Variants in GPC6 observed in about 807,000 individuals in gnomAD.
The protein encoded by GPC6 is glypican-6.
Under a neutral mutation model 55.2 loss-of-function variants are expected in GPC6, and 14 were observed. That is an observed-to-expected ratio of 0.25 (90% confidence interval 0.17 to 0.40). GPC6 has a LOEUF of 0.40. Among genes scored for constraint, GPC6 ranks in the 10% least tolerant of loss-of-function variants. The pLI, the probability that GPC6 is intolerant of heterozygous loss-of-function variation, is 1.00. For synonymous variants in GPC6, 278 were observed against 259.6 expected, an observed-to-expected ratio of 1.07 and a Z score of -0.68; for missense variants, 641 against 708.5, an observed-to-expected ratio of 0.90 and a Z score of 1.08.
intron 3 of GPC6, among the ~76,000 whole-genome samples, chr13:93,961,141 CT>C (rs1879757141): frequency 6.6e-6 from 1 of 152,148 alleles, no homozygotes; most frequent in Non-Finnish European, 1.5e-5. Context: ...ATCTTCCCAA[CT>C]GGTTGGTTGT....
chr13:93,410,568 T>C (rs1876459555), intron 1 of GPC6, among the ~76,000 whole-genome samples: 1 of 152,188 alleles, frequency 6.6e-6, no homozygotes, highest in African/African-American at 2.4e-5. Flanking sequence ...ATAGTATTAG[T>C]GAGTTCTGGC....
chr13:94,151,342 C>T (rs1887733062), intron 4 of GPC6, among the ~76,000 whole-genome samples: 1 of 152,086 alleles, frequency 6.6e-6, no homozygotes, highest in Admixed American at 6.6e-5. Flanking sequence ...TGGAAAAGAT[C>T]TGTTATAAAC....
intron 1 of GPC6, among the ~76,000 whole-genome samples, chr13:93,308,212 G>A (rs567282374): frequency 5.5e-4 from 83 of 152,258 alleles, no homozygotes; most frequent in Middle Eastern, 6.8e-3. Context: ...ATGAACCCGG[G>A]AGGCAGAGCT....
intron 5 of GPC6, among the ~76,000 whole-genome samples, chr13:94,287,816 G>A (rs778933504): frequency 8.5e-5 from 13 of 152,262 alleles, no homozygotes; most frequent in Non-Finnish European, 1.8e-4. Context: ...ACGGTATCCC[G>A]TTGGTGCTCA....
chr13:94,386,316 C>T (rs1410964525), intron 7 of GPC6, among the ~76,000 whole-genome samples: 1 of 150,038 alleles, frequency 6.7e-6, no homozygotes, highest in Non-Finnish European at 1.5e-5. Flanking sequence ...GCAGAGATCA[C>T]ACCACTGCAC....
chr13:93,567,787 A>G (rs999080098), intron 2 of GPC6, among the ~76,000 whole-genome samples: 1 of 152,182 alleles, frequency 6.6e-6, no homozygotes, highest in African/African-American at 2.4e-5. Context: ...GTCATCTTAG[A>G]TTGGTCAACA....
intron 2 of GPC6, among the ~76,000 whole-genome samples, chr13:93,774,339 C>T (rs916176140): frequency 6.6e-6 from 1 of 152,142 alleles, no homozygotes; most frequent in Non-Finnish European, 1.5e-5. Context: ...TTAATGAACA[C>T]TTCCATTCTG....
chr13:94,055,437 A>C (rs1303792307), intron 4 of GPC6, among the ~76,000 whole-genome samples: 1 of 152,136 alleles, frequency 6.6e-6, no homozygotes, highest in Admixed American at 6.6e-5. Flanking sequence ...AAAGGACAAC[A>C]AATTTAAAAT....
chr13:94,399,108 T>G (rs1050722070), intron 8 of GPC6, among the ~76,000 whole-genome samples: 3 of 152,160 alleles, frequency 2.0e-5, no homozygotes, highest in Non-Finnish European at 2.9e-5. Flanking sequence ...ACTTCTTGAG[T>G]CTCAGGTTCC....
At chr13:93,377,946 A>G (rs537248614) in intron 1 of GPC6, among the ~76,000 whole-genome samples, 5 of 152,298 alleles carry the variant, frequency 3.3e-5, no homozygotes, top group African/African-American at 9.6e-5. Context: ...AATCGGTTGT[A>G]TTTTCCTGTG....
At chr13:93,965,110 T>G (rs902207475) in intron 3 of GPC6, among the ~76,000 whole-genome samples, 3 of 140,228 alleles carry the variant, frequency 2.1e-5, no homozygotes, top group East Asian at 4.0e-4. Flanking sequence ...GAGTTTGTTT[T>G]TTTTTTTTTT....
At chr13:94,016,507 A>G (rs1257254716) in intron 3 of GPC6, among the ~76,000 whole-genome samples, 1 of 152,166 alleles carries the variant, frequency 6.6e-6, no homozygotes, top group Admixed American at 6.5e-5. Context: ...TTAGCTTTGT[A>G]GTGCATTTGA....
chr13:94,025,746 G>A (rs1029658991), intron 3 of GPC6: 4 of 152,020 alleles, frequency 2.6e-5, no homozygotes, highest in East Asian at 1.9e-4. Flanking sequence ...AGAATTAATC[G>A]ATAGGAAACC....
At chr13:94,002,282 G>A (rs542352364) in intron 3 of GPC6, among the ~76,000 whole-genome samples, 63 of 152,138 alleles carry the variant, frequency 4.1e-4, no homozygotes, top group African/African-American at 1.5e-3. Flanking sequence ...GGGTGCTGCC[G>A]TGTCGGTCAA....
At chr13:94,180,428 T>G (rs1888950142) in intron 4 of GPC6, among the ~76,000 whole-genome samples, 1 of 152,212 alleles carries the variant, frequency 6.6e-6, no homozygotes. Flanking sequence ...ATCAACTGAA[T>G]GCAGTCTTTG....
chr13:93,706,386 A>G (rs1024643386), intron 2 of GPC6, among the ~76,000 whole-genome samples: 10 of 151,920 alleles, frequency 6.6e-5, no homozygotes, highest in East Asian at 1.9e-4. Context: ...AATTGTATAT[A>G]GGCATTTGTA....
At chr13:93,432,437 G>GTGA (rs1343441774) in intron 1 of GPC6, among the ~76,000 whole-genome samples, 1 of 152,164 alleles carries the variant, frequency 6.6e-6, no homozygotes, top group African/African-American at 2.4e-5. Flanking sequence ...GGTGCAGATG[G>GTGA]TGACAAAGAA....
At chr13:93,886,295 C>T (rs1436511705) in intron 3 of GPC6, among the ~76,000 whole-genome samples, 4 of 151,892 alleles carry the variant, frequency 2.6e-5, no homozygotes, top group African/African-American at 9.7e-5. Flanking sequence ...CCCAAAAAAT[C>T]CAAGCTAGGA....
chr13:94,027,599 A>C, intron 3 of GPC6, 130 bp from the exon 4 acceptor site: 1 of 796,962 alleles, frequency 1.3e-6, no homozygotes, highest in Non-Finnish European at 2.1e-6. Flanking sequence ...CAGGAATTGG[A>C]TGGATTCAAG....
Sources: allele counts gnomAD v4.1 joint callset (sites outside exome capture counted in the v4.1 genomes callset), GRCh38; gene constraint gnomAD v4.1.1; transcripts MANE v1.5; gene names NCBI Gene and HGNC (gene_info 2026-07-23, HGNC 2026-07-21).